The following LSAMP variants were observed in gnomAD, a reference collection of about 807,000 sequenced individuals.
LSAMP encodes limbic system associated membrane protein, also known as limbic system-associated membrane protein.
A neutral mutation model predicts 38.6 loss-of-function variants in LSAMP; 7 were observed. That is an observed-to-expected ratio of 0.18 (90% confidence interval 0.10 to 0.34). LSAMP has a LOEUF of 0.34. Among genes scored for constraint, LSAMP ranks in the 10% least tolerant of loss-of-function variants. The pLI, the probability that LSAMP is intolerant of heterozygous loss-of-function variation, is 1.00. For synonymous variants in LSAMP, 154 were observed against 166.8 expected (o/e 0.92, Z 0.59); for missense variants, 313 against 420.0 (o/e 0.75, Z 2.23).
At chr3:116,280,581 T>C (rs1309370396) in intron 1 of LSAMP, among the ~76,000 whole-genome samples, 5 of 152,244 alleles carry the variant, frequency 3.3e-5, no homozygotes, top group African/African-American at 1.2e-4. Flanking sequence ...AATGCTGTGC[T>C]ATTCGATGAT....
intron 3 of LSAMP, 115 bp from the exon 4 acceptor site, chr3:115,852,732 G>A: frequency 9.4e-7 from 1 of 1,058,422 alleles, no homozygotes; most frequent in Middle Eastern, 2.4e-4. Context: ...ATTTGAAAAT[G>A]TACTTTGTCT....
chr3:116,267,247 T>TGTAA lies in LSAMP; in HGVS notation c.155+177626_155+177629dup, dbSNP rs560726855. ...AAAATGAACAATGGAATGTTAGAAA[T>TGTAA]GTAAGTGAACTTTGAACAGATCCAT... is the stretch of plus-strand genomic sequence containing the variant. On this transcript the variant is annotated intron_variant, in intron 1 of 6. Coordinates refer to ENST00000490035, the MANE Select transcript of LSAMP (RefSeq NM_002338.5). Among the ~76,000 whole-genome samples, 190 of 152,256 alleles carry TGTAA rather than the reference T, an allele frequency of 1.2e-3. 3 individuals are homozygous for TGTAA. In the South Asian group the frequency reaches 0.033, roughly 27 times the overall value.
intron 1 of LSAMP, among the ~76,000 whole-genome samples, chr3:116,410,673 A>G (rs1051823105): frequency 6.6e-6 from 1 of 152,044 alleles, no homozygotes. Context: ...ATGAAACTCT[A>G]TGATGCTTCC....
At chr3:116,379,235 A>C (rs796736686) in intron 1 of LSAMP, among the ~76,000 whole-genome samples, 8 of 152,192 alleles carry the variant, frequency 5.3e-5, no homozygotes, top group African/African-American at 1.7e-4. Flanking sequence ...AACCTAACAA[A>C]GATATAGTCG....
At chr3:116,317,356 CTTTTTTTTT>C (rs71616348) in intron 1 of LSAMP, among the ~76,000 whole-genome samples, 1 of 140,052 alleles carries the variant, frequency 7.1e-6, no homozygotes, top group African/African-American at 2.6e-5. Context: ...CTCTTTCTTT[CTTTTTTTTT>C]TTTTTTTTGA....
Position 115,841,958 on chromosome 3 carries a change from G to A in LSAMP, c.806C>T (p.Thr269Met), listed in dbSNP as rs117984283. Residue 269 changes from threonine to methionine, a missense_variant, in exon 6 of 7, where the codon ACG becomes ATG. Thr to Met is a moderately conservative substitution (Grantham distance 81). Coordinates refer to ENST00000490035, the MANE Select transcript of LSAMP (RefSeq NM_002338.5). Reference protein sequence around the residue: ...NSANGLEIKSTEGQSSLTVTN... With the variant: ...NSANGLEIKSMEGQSSLTVTN... ...CACCGTCAGGGAAGACTGGCCCTCC[G>A]TGCTCTTAATCTCAAGGCCATTGGC... 39 of 1,613,628 alleles carry A rather than the reference G, an allele frequency of 2.4e-5. No homozygotes were observed. The highest frequency in any genetic ancestry group is 1.6e-4 in the African/African-American group (12 of 75,032).
At chr3:116,253,545 C>A (rs1165527785) in intron 1 of LSAMP, among the ~76,000 whole-genome samples, 4 of 152,142 alleles carry the variant, frequency 2.6e-5, no homozygotes, top group East Asian at 3.9e-4. Flanking sequence ...CAGAAAAGAG[C>A]ACTACATAAT....
intron 1 of LSAMP, among the ~76,000 whole-genome samples, chr3:116,340,502 A>G (rs1398086354): frequency 6.6e-6 from 1 of 151,978 alleles, no homozygotes; most frequent in African/African-American, 2.4e-5. Flanking sequence ...CCTTCCCAAC[A>G]TATTCCTTAA....
At chr3:116,176,272 A>G (rs936545197) in intron 1 of LSAMP, among the ~76,000 whole-genome samples, 1 of 152,196 alleles carries the variant, frequency 6.6e-6, no homozygotes, top group Non-Finnish European at 1.5e-5. Flanking sequence ...AACCTCTGCT[A>G]TCAAAAGAGG....
At chr3:115,897,891 G>A (rs1486533563) in intron 3 of LSAMP, among the ~76,000 whole-genome samples, 1 of 152,104 alleles carries the variant, frequency 6.6e-6, no homozygotes, top group Non-Finnish European at 1.5e-5. Context: ...TGGTATATGA[G>A]AGGAACAATG....
chr3:116,331,803 C>G (rs902517269), intron 1 of LSAMP, among the ~76,000 whole-genome samples: 1 of 152,054 alleles, frequency 6.6e-6, no homozygotes. Flanking sequence ...TAACTTCACT[C>G]TTTGTTTTGT....
rs150223764 is a variant in LSAMP at position 116,107,217 on chromosome 3, G to A, written c.156-20661C>T. 9.7e-3 allele frequency among the ~76,000 whole-genome samples: 1,474 copies of A among 152,302 alleles called. 25 individuals are homozygous for A. The highest frequency in any genetic ancestry group is 0.033 in the African/African-American group (1,386 of 41,562). On this transcript the variant is annotated intron_variant, in intron 1 of 6. Coordinates refer to ENST00000490035, the MANE Select transcript of LSAMP (RefSeq NM_002338.5). Reference sequence around the variant, plus strand: ...GGAGGCTGGATTGAAGTCCGGGCCAGGAACAATGGTAATTGTGGGACTTAA... The same window carrying A: ...GGAGGCTGGATTGAAGTCCGGGCCAAGAACAATGGTAATTGTGGGACTTAA...
intron 1 of LSAMP, among the ~76,000 whole-genome samples, chr3:116,302,594 A>G (rs2047424738): frequency 6.6e-6 from 1 of 152,228 alleles, no homozygotes; most frequent in Non-Finnish European, 1.5e-5. Flanking sequence ...ACCTTTCACT[A>G]GAAATATGAG....
At chr3:115,853,485 A>G (rs1034908698) in intron 3 of LSAMP, among the ~76,000 whole-genome samples, 3 of 152,220 alleles carry the variant, frequency 2.0e-5, no homozygotes, top group Non-Finnish European at 4.4e-5. Flanking sequence ...TGTGCATTTT[A>G]GTAAAGAAAT....
chr3:115,935,805 A>C (rs946180139), intron 3 of LSAMP, among the ~76,000 whole-genome samples: 4 of 152,184 alleles, frequency 2.6e-5, no homozygotes, highest in Non-Finnish European at 5.9e-5. Context: ...TGTAAAATCT[A>C]GCAAGGTGTC....
chr3:115,892,247 A>G, intron 3 of LSAMP, among the ~76,000 whole-genome samples: 1 of 152,016 alleles, frequency 6.6e-6, no homozygotes. Flanking sequence ...CACTTCTAAA[A>G]ACATCATAAC....
chr3:115,923,692 C>T (rs1937434697), intron 3 of LSAMP, among the ~76,000 whole-genome samples: 2 of 152,128 alleles, frequency 1.3e-5, no homozygotes, highest in African/African-American at 2.4e-5. Flanking sequence ...GAATACACTA[C>T]ACTTCCATTT....
At position 115,957,444 on chromosome 3, in the gene LSAMP, C is replaced by A. The variant is rs938413594; in HGVS notation, c.514+62071G>T. ...TCCTGACCAGCCTGAGGCCCCATCA[C>A]CTATTTTTTTTTTAATCTCTTATTT... is the stretch of plus-strand genomic sequence containing the variant. On this transcript the variant is annotated intron_variant, in intron 3 of 6. Transcript: ENST00000490035. 4.6e-5 allele frequency among the ~76,000 whole-genome samples: 7 copies of A among 152,190 alleles called. No homozygotes were observed. In the South Asian group the frequency reaches 1.4e-3, roughly 32 times the overall value.
At chr3:116,073,944 T>C (rs1264379712) in intron 2 of LSAMP, among the ~76,000 whole-genome samples, 1 of 152,118 alleles carries the variant, frequency 6.6e-6, no homozygotes, top group Non-Finnish European at 1.5e-5. Flanking sequence ...ATGCCAAAAA[T>C]CATATAAAAA....
Sources: gnomAD v4.1 joint callset for allele counts (sites outside exome capture counted in the v4.1 genomes callset) on GRCh38, gnomAD v4.1.1 for gene constraint, MANE v1.5 for transcripts, NCBI Gene and HGNC (gene_info 2026-07-23, HGNC 2026-07-21) for gene names.